NRG1: variants seen among roughly 807,000 people sequenced by gnomAD.
NRG1 encodes the protein neuregulin 1.
A neutral mutation model predicts 63.8 loss-of-function variants in NRG1; 18 were observed. The ratio of observed to expected loss-of-function variants is 0.28; its 90% CI spans 0.19 to 0.42. The LOEUF (loss-of-function observed/expected upper bound fraction) is 0.42, where lower values mean the gene tolerates loss of function less well. NRG1 is among the 10% of genes least tolerant of loss of function. The pLI, the probability that NRG1 is intolerant of heterozygous loss-of-function variation, is 1.00. For synonymous variants in NRG1, 302 were observed against 301.3 expected, an observed-to-expected ratio of 1.00 and a Z score of -0.02; for missense variants, 762 against 814.7, an observed-to-expected ratio of 0.94 and a Z score of 0.79.
At chr8:32,407,327 A>ATATG (rs1814217719) in intron 1 of NRG1, among the ~76,000 whole-genome samples, 3 of 108,386 alleles carry the variant, frequency 2.8e-5, no homozygotes, top group Non-Finnish European at 3.8e-5. Flanking sequence ...TATTATATAT[A>ATATG]TATATGGCCA....
intron 1 of NRG1, among the ~76,000 whole-genome samples, chr8:32,377,856 A>C (rs1698259036): frequency 1.3e-5 from 2 of 152,160 alleles, no homozygotes; most frequent in African/African-American, 4.8e-5. Context: ...TCTTGGAATT[A>C]CTTTTGATTT....
chr8:32,182,772 G>A (rs529791161), intron 1 of NRG1, among the ~76,000 whole-genome samples: 2 of 151,890 alleles, frequency 1.3e-5, no homozygotes, highest in Middle Eastern at 3.4e-3. Context: ...AGCCCACTAT[G>A]GTTTATATTT....
At chr8:32,373,299 G>C (rs1346013017) in intron 1 of NRG1, among the ~76,000 whole-genome samples, 1 of 152,120 alleles carries the variant, frequency 6.6e-6, no homozygotes, top group East Asian at 1.9e-4. Flanking sequence ...TTCACCTCCT[G>C]ATTTTGACAG....
At chr8:32,433,941 AC>A (rs1426731241) in intron 1 of NRG1, among the ~76,000 whole-genome samples, 1 of 152,152 alleles carries the variant, frequency 6.6e-6, no homozygotes, top group Non-Finnish European at 1.5e-5. Context: ...TAATCCCAGT[AC>A]TTTGGGAGGC....
At chr8:32,333,068 A>AT (rs1351925296) in intron 1 of NRG1, among the ~76,000 whole-genome samples, 1 of 152,118 alleles carries the variant, frequency 6.6e-6, no homozygotes, top group South Asian at 2.1e-4. Flanking sequence ...CAATATAACC[A>AT]TTTTTTTAAA....
intron 1 of NRG1, among the ~76,000 whole-genome samples, chr8:32,252,031 T>G (rs111273640): frequency 0.02 from 3,013 of 152,236 alleles, 48 homozygotes; most frequent in African/African-American, 0.043. Context: ...CCTTTGCCCA[T>G]TTTTTGATGG....
intron 1 of NRG1, among the ~76,000 whole-genome samples, chr8:32,212,966 T>C (rs1244026228): frequency 6.6e-6 from 1 of 152,222 alleles, no homozygotes; most frequent in East Asian, 1.9e-4. Flanking sequence ...TTGGAGTTAT[T>C]ATCTGTTCTT....
intron 1 of NRG1, among the ~76,000 whole-genome samples, chr8:31,901,227 A>G (rs1465966035): frequency 6.6e-6 from 1 of 152,186 alleles, no homozygotes; most frequent in Admixed American, 6.5e-5. Flanking sequence ...ATATTCACAA[A>G]AGCAAATGAT....
chr8:32,088,175 T>C (rs1828563754), intron 1 of NRG1, among the ~76,000 whole-genome samples: 1 of 152,190 alleles, frequency 6.6e-6, no homozygotes, highest in Non-Finnish European at 1.5e-5. Flanking sequence ...ACCCCTTTAA[T>C]GTGACTGTGT....
intron 1 of NRG1, among the ~76,000 whole-genome samples, chr8:32,394,788 A>G (rs1032364457): frequency 6.6e-6 from 1 of 152,084 alleles, no homozygotes; most frequent in African/African-American, 2.4e-5. Context: ...AGCCCCTTCC[A>G]TTTGGCAAAT....
chr8:31,790,029 G>T (rs1820549073), intron 1 of NRG1, among the ~76,000 whole-genome samples: 1 of 152,174 alleles, frequency 6.6e-6, no homozygotes, highest in South Asian at 2.1e-4. Context: ...CAAAAAGGTA[G>T]CAGTAAATAG....
At position 32,038,934 on chromosome 8, in the gene NRG1, T is replaced by A. The variant is rs1819502791; in HGVS notation, c.37+399503T>A. Among the ~76,000 whole-genome samples, 4 of 151,934 alleles carry A rather than the reference T, an allele frequency of 2.6e-5. 1 individual carries two copies. The South Asian group carries it at 8.3e-4, about 32-fold the overall frequency. On this transcript the variant is annotated intron_variant, in intron 1 of 10. Transcript: ENST00000519301. ...GTTGTGGGCAGCATTGCAAAAGTGA[T>A]CTGTATCCTCTCAGAAAAAGGAAAA...
chr8:32,024,006 T>C (rs540888097), intron 1 of NRG1, among the ~76,000 whole-genome samples: 139 of 152,280 alleles, frequency 9.1e-4, no homozygotes, highest in Non-Finnish European at 1.4e-3. Flanking sequence ...CTTAACATTA[T>C]GCGGCCAAGA....
At chr8:32,609,580 T>A (rs1344934799) in intron 3 of NRG1, among the ~76,000 whole-genome samples, 1 of 129,628 alleles carries the variant, frequency 7.7e-6, no homozygotes, top group Admixed American at 7.5e-5. Flanking sequence ...CCTTCCTTCC[T>A]TCCTTCCTTC....
At chr8:31,889,708 A>G (rs1830998871) in intron 1 of NRG1, among the ~76,000 whole-genome samples, 3 of 152,216 alleles carry the variant, frequency 2.0e-5, no homozygotes, top group Non-Finnish European at 2.9e-5. Flanking sequence ...GAAGTAAAGC[A>G]GGAGAACTCT....
chr8:32,369,741 A>G (rs1212225532), intron 1 of NRG1, among the ~76,000 whole-genome samples: 1 of 152,238 alleles, frequency 6.6e-6, no homozygotes, highest in Admixed American at 6.5e-5. Flanking sequence ...GGCATTGTTG[A>G]AATCCATTCC....
At chr8:31,984,564 T>C (rs1244663051) in intron 1 of NRG1, among the ~76,000 whole-genome samples, 1 of 152,112 alleles carries the variant, frequency 6.6e-6, no homozygotes, top group African/African-American at 2.4e-5. Flanking sequence ...GAGGCCCCAT[T>C]TTCTGTGTCT....
At chr8:31,726,788 A>AG (rs11431768) in intron 1 of NRG1, among the ~76,000 whole-genome samples, 146,639 of 152,108 alleles carry the variant, frequency 0.96, 70,897 homozygotes, top group East Asian at 1. Context: ...GGCAAGGAGG[A>AG]GGGTTTGTAC....
intron 1 of NRG1, among the ~76,000 whole-genome samples, chr8:31,749,993 G>T (rs7821017): frequency 0.21 from 32,294 of 151,562 alleles, 3,873 homozygotes; most frequent in Middle Eastern, 0.27. Flanking sequence ...GTTTCTCCAC[G>T]TTGCTTGTAG....
Sources: gnomAD v4.1 joint callset for allele counts (sites outside exome capture counted in the v4.1 genomes callset) on GRCh38, gnomAD v4.1.1 for gene constraint, MANE v1.5 for transcripts, NCBI Gene and HGNC (gene_info 2026-07-23, HGNC 2026-07-21) for gene names.